Variants in CRIM1 observed in about 807,000 individuals in gnomAD.
CRIM1 encodes the protein cysteine rich transmembrane BMP regulator 1, also known as cysteine-rich motor neuron 1 protein.
In CRIM1, 32 loss-of-function variants were observed where a neutral mutation model predicts 116.4. The observed-to-expected ratio is 0.27, with a 90% CI of 0.21 to 0.37. The LOEUF (loss-of-function observed/expected upper bound fraction) is 0.37, where lower values mean the gene tolerates loss of function less well. CRIM1 is among the 10% of genes least tolerant of loss of function. The probability of loss-of-function intolerance (pLI) is 1.00; values close to 1 mark genes in which losing one functional copy is unlikely to be tolerated. For synonymous variants in CRIM1, 590 were observed against 509.2 expected (o/e 1.16, Z -2.13); for missense variants, 1,331 against 1,354.8 (o/e 0.98, Z 0.28).
At chr2:36,546,907 C>T (rs1194119960) in intron 15 of CRIM1, 77 bp from the exon 16 acceptor site, 1 of 829,386 alleles carries the variant, frequency 1.2e-6, no homozygotes, top group Non-Finnish European at 1.9e-6. Flanking sequence ...TTGCTGATCT[C>T]TATTTGCAAT....
chr2:36,402,668 C>A (rs990111224), intron 2 of CRIM1, among the ~76,000 whole-genome samples: 1 of 150,800 alleles, frequency 6.6e-6, no homozygotes, highest in Non-Finnish European at 1.5e-5. Context: ...TTTAGTAGTT[C>A]ATGTAAGAGA....
intron 2 of CRIM1, among the ~76,000 whole-genome samples, chr2:36,407,846 AT>A (rs1672927572): frequency 6.6e-6 from 1 of 152,234 alleles, no homozygotes; most frequent in Non-Finnish European, 1.5e-5. Flanking sequence ...TCCAGTTGAC[AT>A]TTAGAGTGAT....
At chr2:36,485,997 G>C (rs1023445748) in intron 7 of CRIM1, among the ~76,000 whole-genome samples, 3 of 152,144 alleles carry the variant, frequency 2.0e-5, no homozygotes, top group African/African-American at 7.2e-5. Flanking sequence ...GCAAATGACT[G>C]TTTCTTAACC....
At chr2:36,387,018 C>G (rs1305501296) in intron 1 of CRIM1, among the ~76,000 whole-genome samples, 3 of 152,208 alleles carry the variant, frequency 2.0e-5, no homozygotes, top group Admixed American at 2.0e-4. Flanking sequence ...TTGCTGGGAT[C>G]AAGTCTAAAC....
intron 7 of CRIM1, among the ~76,000 whole-genome samples, chr2:36,488,119 T>TA (rs1679967748): frequency 6.6e-6 from 1 of 152,344 alleles, no homozygotes; most frequent in Non-Finnish European, 1.5e-5. Context: ...ATATGAGGGT[T>TA]AGCACTGAAG....
chr2:36,470,556 A>G (rs946288249), intron 5 of CRIM1, among the ~76,000 whole-genome samples: 1 of 152,236 alleles, frequency 6.6e-6, no homozygotes, highest in African/African-American at 2.4e-5. Context: ...AAATGGAACA[A>G]CAAAGCCTGG....
rs200428130 is a variant in CRIM1 at position 36,498,769 on chromosome 2, G to GA, written c.1373-442dup. Reference sequence around the variant, plus strand: ...TCTCAAAAACTGATTTATTAATTTGGAAAAAAAATAGTAACCGATTTCAGA... The same window carrying GA: ...TCTCAAAAACTGATTTATTAATTTGGAAAAAAAAATAGTAACCGATTTCAGA... On this transcript the variant is annotated intron_variant, in intron 7 of 16. Transcript: ENST00000280527. Among the ~76,000 whole-genome samples, 991 of 151,788 alleles carry GA rather than the reference G, an allele frequency of 6.5e-3. 5 individuals carry two copies. The highest frequency in any genetic ancestry group is 0.024 in the Middle Eastern group (7 of 292).
chr2:36,493,718 A>G (rs1680391600), intron 7 of CRIM1, among the ~76,000 whole-genome samples: 2 of 152,230 alleles, frequency 1.3e-5, no homozygotes, highest in South Asian at 2.1e-4. Context: ...AGAACCTTGT[A>G]TGGATTAATT....
At chr2:36,477,926 G>T (rs1679112063) in intron 6 of CRIM1, among the ~76,000 whole-genome samples, 2 of 152,128 alleles carry the variant, frequency 1.3e-5, no homozygotes, top group African/African-American at 4.8e-5. Context: ...GTGTTCTTCT[G>T]ACAACACAAC....
Position 36,396,612 on chromosome 2 carries a change from A to G in CRIM1, c.332-2A>G. The G allele has an allele frequency of 6.4e-7, 1 of 1,553,514 alleles. No individual in the cohort carries two copies. The highest frequency in any genetic ancestry group is 8.8e-7 in the Non-Finnish European group (1 of 1,139,040). On this transcript the variant is annotated splice_acceptor_variant, in intron 1 of 16. Coordinates refer to ENST00000280527, the MANE Select transcript of CRIM1 (RefSeq NM_016441.3). LOFTEE classifies it high-confidence loss of function. ...ATTATCTGGTTGTTAATTGTTTTACAGATGAGAACTGGACTGATGACCAAC... is the reference window on the plus strand; with the variant it reads ...ATTATCTGGTTGTTAATTGTTTTACGGATGAGAACTGGACTGATGACCAAC...
At chr2:36,513,461 G>T (rs1382884025) in intron 10 of CRIM1, 95 bp from the exon 11 acceptor site, 1 of 912,922 alleles carries the variant, frequency 1.1e-6, no homozygotes, top group African/African-American at 1.6e-5. Context: ...AGACGTAATT[G>T]TTGGTGGCTG....
At chr2:36,513,197 T>C (rs888744203) in intron 10 of CRIM1, 4 of 247,148 alleles carry the variant, frequency 1.6e-5, no homozygotes, top group African/African-American at 4.5e-5. Flanking sequence ...GATGTCCCCA[T>C]TGGATGAAGC....
At chr2:36,469,733 T>G (rs771247010) in intron 5 of CRIM1, among the ~76,000 whole-genome samples, 1 of 152,224 alleles carries the variant, frequency 6.6e-6, no homozygotes, top group Non-Finnish European at 1.5e-5. Context: ...ACGTAATGTC[T>G]TCTACTGATA....
At chr2:36,363,529 G>GCT (rs71396486) in intron 1 of CRIM1, among the ~76,000 whole-genome samples, 2 of 77,776 alleles carry the variant, frequency 2.6e-5, no homozygotes, top group Non-Finnish European at 6.4e-5. Context: ...AGTCGTCGCC[G>GCT]CCCCCCCCCC....
chr2:36,380,831 C>T (rs974122977), intron 1 of CRIM1, among the ~76,000 whole-genome samples: 2 of 152,160 alleles, frequency 1.3e-5, no homozygotes, highest in South Asian at 2.1e-4. Flanking sequence ...CCTTTAGGCC[C>T]GCCCAACTTT....
At chr2:36,440,027 T>A in intron 2 of CRIM1, among the ~76,000 whole-genome samples, 1 of 152,028 alleles carries the variant, frequency 6.6e-6, no homozygotes, top group East Asian at 1.9e-4. Flanking sequence ...AAGAAATAGA[T>A]AAGGAAGAGG....
At chr2:36,501,555 CA>C (rs944012908) in intron 8 of CRIM1, among the ~76,000 whole-genome samples, 1 of 150,090 alleles carries the variant, frequency 6.7e-6, no homozygotes, top group Admixed American at 6.6e-5. Context: ...CCCATCTCTA[CA>C]AAAAAAAATA....
chr2:36,369,767 G>C (rs1669828241), intron 1 of CRIM1, among the ~76,000 whole-genome samples: 1 of 152,222 alleles, frequency 6.6e-6, no homozygotes, highest in Non-Finnish European at 1.5e-5. Context: ...ACTCAGGGTA[G>C]TGAACTATTT....
intron 2 of CRIM1, among the ~76,000 whole-genome samples, chr2:36,409,032 T>G (rs1188056767): frequency 3.3e-5 from 5 of 152,150 alleles, no homozygotes; most frequent in Non-Finnish European, 7.3e-5. Context: ...AAAGCTCTTT[T>G]AAATAAAGAG....
Sources: allele counts gnomAD v4.1 joint callset (sites outside exome capture counted in the v4.1 genomes callset), GRCh38; gene constraint gnomAD v4.1.1; transcripts MANE v1.5; gene names NCBI Gene and HGNC (gene_info 2026-07-23, HGNC 2026-07-21).